Variants in KPNA6 observed in about 807,000 individuals in gnomAD.
KPNA6 encodes the protein importin subunit alpha-7.
In KPNA6, 9 loss-of-function variants were observed where a neutral mutation model predicts 72.0. That is an observed-to-expected ratio of 0.13 (90% CI 0.08 to 0.22). The LOEUF (loss-of-function observed/expected upper bound fraction) is 0.22, where lower values mean the gene tolerates loss of function less well. Among genes scored for constraint, KPNA6 ranks in the 10% least tolerant of loss-of-function variants. The probability of loss-of-function intolerance (pLI) is 1.00; values close to 1 mark genes in which losing one functional copy is unlikely to be tolerated. For synonymous variants in KPNA6, 219 were observed against 242.1 expected (o/e 0.90, Z 0.89); for missense variants, 374 against 655.7 (o/e 0.57, Z 4.69).
At chr1:32,156,593 C>G (rs1570056303) in intron 2 of KPNA6, among the ~76,000 whole-genome samples, 1 of 152,334 alleles carries the variant, frequency 6.6e-6, no homozygotes, top group East Asian at 1.9e-4. Context: ...TTCAACACTA[C>G]TCAGAATGGC....
intron 1 of KPNA6, among the ~76,000 whole-genome samples, chr1:32,140,667 T>C (rs1641820907): frequency 6.6e-6 from 1 of 152,144 alleles, no homozygotes; most frequent in African/African-American, 2.4e-5. Flanking sequence ...AATGGGGCAG[T>C]AGCTAAGGGA....
At chr1:32,111,097 T>C (rs1641237869) in intron 1 of KPNA6, among the ~76,000 whole-genome samples, 1 of 152,212 alleles carries the variant, frequency 6.6e-6, no homozygotes. Context: ...TTAGGGGGTT[T>C]TATGTTATAA....
chr1:32,130,375 C>T (rs1641615693), intron 1 of KPNA6, among the ~76,000 whole-genome samples: 1 of 152,014 alleles, frequency 6.6e-6, no homozygotes. Context: ...TGGTGCCTTA[C>T]AGAGGTCCTC....
At chr1:32,137,269 G>A (rs1168800989) in intron 1 of KPNA6, among the ~76,000 whole-genome samples, 8 of 152,094 alleles carry the variant, frequency 5.3e-5, no homozygotes, top group South Asian at 2.1e-4. Context: ...CTCAAGCTCC[G>A]TTCAAGCAAT....
chr1:32,160,535 C>T (rs2124075519), intron 6 of KPNA6, 80 bp from the exon 7 acceptor site: 3 of 1,041,072 alleles, frequency 2.9e-6, no homozygotes, highest in Non-Finnish European at 1.5e-6. Flanking sequence ...CTGGTGGGTA[C>T]TCACTTTGCA....
Position 32,164,165 on chromosome 1 carries a change from T to C in KPNA6, c.990+852T>C, listed in dbSNP as rs1472645812. On this transcript the variant is annotated intron_variant, in intron 10 of 13. Transcript: ENST00000373625. ...AAGTGGAATCATACAGTGTTTATTCTTTCTCGTCTGGTTTATTTCACTTAG... is the reference window on the plus strand; with the variant it reads ...AAGTGGAATCATACAGTGTTTATTCCTTCTCGTCTGGTTTATTTCACTTAG... Among the ~76,000 whole-genome samples, 3 of 152,238 alleles carry C rather than the reference T, an allele frequency of 2.0e-5. No homozygotes were observed. In the East Asian group the frequency reaches 5.8e-4, roughly 29 times the overall value.
At position 32,162,438 on chromosome 1, in the gene KPNA6, C is replaced by T; in HGVS notation, c.825C>T (p.Ala275=). 1 of 1,614,040 alleles carries T rather than the reference C, an allele frequency of 6.2e-7. No individual in the cohort carries two copies. Among genetic ancestry groups the T allele is most frequent in the East Asian group, 2.2e-5 (1 of 44,882 alleles). Residue 275 remains alanine (A), a synonymous_variant, in exon 9 of 14, where the codon GCC becomes GCT. Coordinates refer to ENST00000373625, the MANE Select transcript of KPNA6 (RefSeq NM_012316.5). ...DSDLLADACW[A]LSYLSDGPNE... ...ACTTGCTGGCAGATGCTTGCTGGGC[C>T]CTTTCTTATCTGTCTGATGGCCCCA...
intron 1 of KPNA6, among the ~76,000 whole-genome samples, chr1:32,142,255 CAAAAAAA>C (rs763008502): frequency 8.3e-4 from 46 of 55,304 alleles, no homozygotes; most frequent in African/African-American, 2.2e-3. Flanking sequence ...GACCCTGTCT[CAAAAAAA>C]AAAAAAAAAA....
intron 1 of KPNA6, among the ~76,000 whole-genome samples, chr1:32,120,468 G>A (rs1641412511): frequency 1.3e-5 from 2 of 151,012 alleles, no homozygotes; most frequent in Admixed American, 6.6e-5. Context: ...GGCTGGTCTC[G>A]AACTCCTGAC....
In KPNA6 at chr1:32,140,166, C is replaced by T. The variant is rs1408627341; in HGVS notation, c.5-14422C>T. On this transcript the variant is annotated intron_variant, in intron 1 of 13. Transcript: ENST00000373625. ...TTGGGAGGCCGAGGCAGGCGGATCA[C>T]AAGGTCAGGAGTTCGAGACAAGCCT... is the stretch of plus-strand genomic sequence containing the variant. Among the ~76,000 whole-genome samples, 21 of 152,020 alleles carry T rather than the reference C, an allele frequency of 1.4e-4. 1 individual carries two copies. Among genetic ancestry groups the T allele is most frequent in the Admixed American group, 1.2e-3 (19 of 15,246 alleles).
At chr1:32,120,809 C>A (rs1311646542) in intron 1 of KPNA6, among the ~76,000 whole-genome samples, 1 of 151,376 alleles carries the variant, frequency 6.6e-6, no homozygotes, top group Non-Finnish European at 1.5e-5. Flanking sequence ...CTCAGGTGAT[C>A]CTCCCTCTTT....
chr1:32,138,115 A>G (rs1641770573), intron 1 of KPNA6, among the ~76,000 whole-genome samples: 1 of 151,540 alleles, frequency 6.6e-6, no homozygotes, highest in Admixed American at 6.6e-5. Flanking sequence ...AGCCTGGATG[A>G]CAAGAGTGAA....
At chr1:32,145,359 C>T (rs1307317860) in intron 1 of KPNA6, among the ~76,000 whole-genome samples, 1 of 149,366 alleles carries the variant, frequency 6.7e-6, no homozygotes, top group African/African-American at 2.5e-5. Context: ...GGAGCAAGCT[C>T]TGTTCCCCAA....
rs774290299 is a variant in KPNA6 at position 32,161,886 on chromosome 1, T to C, written c.648-61T>C. 8 of 1,278,466 alleles carry C rather than the reference T, an allele frequency of 6.3e-6. No homozygotes were observed. The East Asian group carries it at 1.2e-4, about 19-fold the overall frequency. 79.2% of individuals were successfully genotyped at this position (1,278,466 alleles called of 1,614,324 possible). ...CTCATTGGATTTGTCTCTGGGTTCA[T>C]TGGCAACAGTCCTATGCCAAGGCCT... On this transcript the variant is annotated intron_variant, in intron 7 of 13. Coordinates refer to ENST00000373625, the MANE Select transcript of KPNA6 (RefSeq NM_012316.5).
chr1:32,141,034 T>G (rs1641826891), intron 1 of KPNA6, among the ~76,000 whole-genome samples: 1 of 152,184 alleles, frequency 6.6e-6, no homozygotes, highest in Non-Finnish European at 1.5e-5. Flanking sequence ...CTGGCTTTAC[T>G]TGCTTTGGGG....
rs1274206191 is a variant in KPNA6 at position 32,143,584 on chromosome 1, AAAG to A, written c.5-11001_5-10999del. 3.2e-4 allele frequency among the ~76,000 whole-genome samples: 47 copies of A among 147,866 alleles called. 1 individual carries two copies. In the South Asian group the frequency reaches 5.3e-3, roughly 17 times the overall value. ...CAAGATTCTGTCTTAAAAAAAAAAA[AAAG>A]AAAAGAAAAAAAAATTATTAGTGAT... On this transcript the variant is annotated intron_variant, in intron 1 of 13. Coordinates refer to ENST00000373625, the MANE Select transcript of KPNA6 (RefSeq NM_012316.5).
At chr1:32,137,565 T>G (rs1199374516) in intron 1 of KPNA6, among the ~76,000 whole-genome samples, 2 of 152,194 alleles carry the variant, frequency 1.3e-5, no homozygotes, top group African/African-American at 4.8e-5. Context: ...CGACTTCAGA[T>G]TCTCTAGAAA....
Position 32,154,610 on chromosome 1 carries a change from A to C in KPNA6, c.27A>C (p.Lys9Asn), listed in dbSNP as rs753539227. 9 of 1,613,934 alleles carry C rather than the reference A, an allele frequency of 5.6e-6. No individual in the cohort carries two copies. Among genetic ancestry groups the C allele is most frequent in the Non-Finnish European group, 7.6e-6 (9 of 1,179,914 alleles). Residue 9 changes from lysine (K) to asparagine (N), a missense_variant, in exon 2 of 14, where the codon AAA becomes AAC. Lys to Asn is a moderately conservative substitution (Grantham distance 94). This residue lies in a region of KPNA6 where 298 missense variants were observed against 495.4 expected (regional missense o/e 0.60). Coordinates refer to ENST00000373625, the MANE Select transcript of KPNA6 (RefSeq NM_012316.5). The stretch of plus-strand genomic sequence containing the variant: ...TAGAGACCATGGCGAGCCCAGGGAA[A>C]GACAATTATCGAATGAAGAGCTATA... The part of the protein sequence containing the change: METMASPG[K>N]DNYRMKSYKN...
At chr1:32,120,184 A>G (rs1377618598) in intron 1 of KPNA6, among the ~76,000 whole-genome samples, 4 of 151,980 alleles carry the variant, frequency 2.6e-5, no homozygotes, top group Non-Finnish European at 5.9e-5. Context: ...TATTCTGTGT[A>G]TCTTATGAAA....
Sources: gnomAD v4.1 joint callset for allele counts (sites outside exome capture counted in the v4.1 genomes callset) on GRCh38, gnomAD v4.1.1 for gene constraint, gnomAD v4.1.1 regional missense constraint, MANE v1.5 for transcripts, NCBI Gene and HGNC (gene_info 2026-07-23, HGNC 2026-07-21) for gene names.